CELF2: variants seen among roughly 807,000 people sequenced by gnomAD.
CELF2 encodes the protein CUGBP Elav-like family member 2, also known as CUG triplet repeat RNA-binding protein 2.
A neutral mutation model predicts 62.6 loss-of-function variants in CELF2; 8 were observed. That is an observed-to-expected ratio of 0.13 (90% CI 0.07 to 0.23). The LOEUF is 0.23. Among genes scored for constraint, CELF2 ranks in the 10% least tolerant of loss-of-function variants. The pLI, the probability that CELF2 is intolerant of heterozygous loss-of-function variation, is 1.00. For synonymous variants in CELF2, 258 were observed against 250.0 expected (o/e 1.03, Z -0.30); for missense variants, 333 against 671.0 (o/e 0.50, Z 5.56).
chr10:10,912,933 A>T (rs957752932), intron 1 of CELF2, among the ~76,000 whole-genome samples: 6 of 152,204 alleles, frequency 3.9e-5, no homozygotes, highest in African/African-American at 1.4e-4. Flanking sequence ...TAGTGATAGT[A>T]ACTACTTCGT....
chr10:11,024,596 GTCT>G (rs1020306710), intron 1 of CELF2, among the ~76,000 whole-genome samples: 22 of 151,922 alleles, frequency 1.4e-4, no homozygotes, highest in African/African-American at 5.1e-4. Context: ...GCAAGACTCC[GTCT>G]TCTTCTTCTA....
At chr10:11,142,683 C>CA (rs1006618543) in intron 1 of CELF2, among the ~76,000 whole-genome samples, 4,820 of 63,256 alleles carry the variant, frequency 0.076, 414 homozygotes, top group African/African-American at 0.2. Context: ...GACGCTGTCT[C>CA]AAAAAAAAAA....
chr10:10,607,233 G>A, the CELF2 span, among the ~76,000 whole-genome samples: 1 of 152,024 alleles, frequency 6.6e-6, no homozygotes, highest in Non-Finnish European at 1.5e-5. Context: ...GCTCTTTGGT[G>A]CACCTCATCA....
At chr10:11,056,962 G>C (rs563340899) in intron 1 of CELF2, among the ~76,000 whole-genome samples, 2 of 152,188 alleles carry the variant, frequency 1.3e-5, no homozygotes, top group East Asian at 1.9e-4. Flanking sequence ...CATGCTTCTG[G>C]GGGAGGGGTG....
At chr10:10,709,953 G>A in the CELF2 span, among the ~76,000 whole-genome samples, 2 of 152,336 alleles carry the variant, frequency 1.3e-5, no homozygotes, top group African/African-American at 4.8e-5. Context: ...TTCTTCCCCA[G>A]GGGACCTGAT....
chr10:11,186,788 A>G (rs1024468824), intron 2 of CELF2, among the ~76,000 whole-genome samples: 3 of 152,206 alleles, frequency 2.0e-5, no homozygotes, highest in African/African-American at 7.2e-5. Flanking sequence ...TCTGAAAGCA[A>G]AAATCCAATA....
chr10:11,143,212 T>A (rs528634855), intron 1 of CELF2, among the ~76,000 whole-genome samples: 11 of 152,238 alleles, frequency 7.2e-5, no homozygotes, highest in Non-Finnish European at 1.5e-4. Flanking sequence ...ATGGTAAAAA[T>A]GTTCTTCCTT....
At chr10:10,701,718 C>T in the CELF2 span, among the ~76,000 whole-genome samples, 4 of 152,168 alleles carry the variant, frequency 2.6e-5, no homozygotes, top group African/African-American at 7.2e-5. Flanking sequence ...CGCCCATAGG[C>T]GAGATGGGTA....
intron 1 of CELF2, among the ~76,000 whole-genome samples, chr10:11,111,666 C>A (rs576817088): frequency 2.0e-5 from 3 of 152,244 alleles, no homozygotes; most frequent in African/African-American, 7.2e-5. Context: ...TGCCCTATGT[C>A]GTACAGGTTA....
intron 1 of CELF2, among the ~76,000 whole-genome samples, chr10:10,831,469 G>A (rs972747299): frequency 3.3e-5 from 5 of 152,244 alleles, no homozygotes; most frequent in African/African-American, 9.6e-5. Context: ...CTCAAGGAAC[G>A]TGTTGAGAAC....
At chr10:10,524,703 G>A in the CELF2 span, among the ~76,000 whole-genome samples, 2 of 151,940 alleles carry the variant, frequency 1.3e-5, no homozygotes, top group Non-Finnish European at 2.9e-5. Context: ...TTTTATCATA[G>A]CAGTATTCAA....
intron 1 of CELF2, among the ~76,000 whole-genome samples, chr10:11,096,744 G>A (rs2049985673): frequency 6.6e-6 from 1 of 152,092 alleles, no homozygotes. Context: ...TTGTAACTTA[G>A]GAAGCAACAA....
At chr10:10,566,780 T>C in the CELF2 span, among the ~76,000 whole-genome samples, 1 of 152,138 alleles carries the variant, frequency 6.6e-6, no homozygotes, top group Non-Finnish European at 1.5e-5. Flanking sequence ...CAAAAGACTT[T>C]AGATTTTTCA....
upstream of CELF2, among the ~76,000 whole-genome samples, chr10:11,004,496 C>G (rs1465896376): frequency 2.0e-5 from 3 of 151,954 alleles, no homozygotes; most frequent in Non-Finnish European, 4.4e-5. This position sits in a 1 kb window ranked among gnomAD's most constrained non-coding sequence, Gnocchi z 5.0. Flanking sequence ...TTCCAATAAA[C>G]AGAAGTACAA....
rs1226993765 is a variant in CELF2 at position 10,928,049 on chromosome 10, C to A, written c.89+8050C>A. ...TTTATTTTGCTTCTGACACACCGGC[C>A]TTTCTCCGCACTTACTTCCACAGAA... On this transcript the variant is annotated intron_variant, in intron 2 of 13. Transcript: ENST00000636488. This position sits in a 1 kb window ranked among gnomAD's most constrained non-coding sequence, Gnocchi z 4.8. Among the ~76,000 whole-genome samples, 1 of 152,212 alleles carries A rather than the reference C, an allele frequency of 6.6e-6. No homozygotes were observed. The highest frequency in any genetic ancestry group is 2.4e-5 in the African/African-American group (1 of 41,442).
At chr10:10,768,608 C>T in the CELF2 span, among the ~76,000 whole-genome samples, 1 of 145,630 alleles carries the variant, frequency 6.9e-6, no homozygotes, top group East Asian at 2.0e-4. Context: ...GAGTGTCATT[C>T]TGTTGCCCAT....
chr10:10,699,747 C>G, the CELF2 span, among the ~76,000 whole-genome samples: 1 of 152,246 alleles, frequency 6.6e-6, no homozygotes, highest in South Asian at 2.1e-4. Context: ...TTGCTGGAGC[C>G]TTGTTGATCA....
intron 1 of CELF2, among the ~76,000 whole-genome samples, chr10:10,900,676 C>T (rs1242548631): frequency 6.6e-6 from 1 of 152,096 alleles, no homozygotes; most frequent in Non-Finnish European, 1.5e-5. Flanking sequence ...TCTGCCCTCT[C>T]CACTCGCATT....
chr10:11,181,324 C>T (rs896943641), intron 2 of CELF2, among the ~76,000 whole-genome samples: 1 of 152,192 alleles, frequency 6.6e-6, no homozygotes, highest in Non-Finnish European at 1.5e-5. Flanking sequence ...TCTCTCATTT[C>T]GGAATGAATA....
Sources: gnomAD v4.1 joint callset for allele counts (sites outside exome capture counted in the v4.1 genomes callset) on GRCh38, gnomAD v4.1.1 for gene constraint, Gnocchi (gnomAD v3.1) non-coding constraint, MANE v1.5 for transcripts, NCBI Gene and HGNC (gene_info 2026-07-23, HGNC 2026-07-21) for gene names.